Variants in OMD observed in about 807,000 individuals in gnomAD.
OMD encodes KSPG osteomodulin.
Under a neutral mutation model 31.2 loss-of-function variants are expected in OMD, and 19 were observed. The ratio of observed to expected loss-of-function variants is 0.61; its 90% CI spans 0.42 to 0.89. The LOEUF (loss-of-function observed/expected upper bound fraction) is 0.89. OMD is among the 40% of genes least tolerant of loss of function. OMD has a pLI of 0.00. For synonymous variants in OMD, 155 were observed against 166.4 expected, an observed-to-expected ratio of 0.93 and a Z score of 0.53; for missense variants, 448 against 490.8, an observed-to-expected ratio of 0.91 and a Z score of 0.82.
Position 92,415,409 on chromosome 9 carries a change from C to T in OMD, c.1009G>A (p.Val337Met). 1 of 1,613,556 alleles carries T rather than the reference C, an allele frequency of 6.2e-7. No individual in the cohort carries two copies. Residue 337 changes from valine (V) to methionine (M), a missense_variant, in exon 3 of 3, where the codon GTG becomes ATG. Transcript: ENST00000375550. ...GGTTCTTTTAGTTTATTTTGGTCCACACGAATGTATGTTAAATGGTGGTAA... is the reference window on the plus strand; with the variant it reads ...GGTTCTTTTAGTTTATTTTGGTCCATACGAATGTATGTTAAATGGTGGTAA... ...LHYHHLTYIR[V>M]DQNKLKEPIS...
intron 1 of OMD, among the ~76,000 whole-genome samples, chr9:92,421,402 A>G (rs1257234794): frequency 6.6e-6 from 1 of 152,206 alleles, no homozygotes. Context: ...TAATTTAATG[A>G]ATTAACATAT....
intron 1 of OMD, among the ~76,000 whole-genome samples, chr9:92,418,390 ATT>A (rs959049639): frequency 1.4e-5 from 2 of 145,736 alleles, no homozygotes; most frequent in Non-Finnish European, 3.0e-5. Flanking sequence ...CCTGGCCGAG[ATT>A]TTTTTTTTTT....
In OMD at chr9:92,412,721, T is replaced by C. The variant is rs1230259445; in HGVS notation, c.*2431A>G. On this transcript the variant is annotated 3_prime_UTR_variant, in exon 3 of 3. Transcript: ENST00000375550. ...TTTTTATTGCTGAATAATATTCCACTGTATGGATATATCACATTTTGTGTA... is the reference window on the plus strand; with the variant it reads ...TTTTTATTGCTGAATAATATTCCACCGTATGGATATATCACATTTTGTGTA... 6.6e-6 allele frequency among the ~76,000 whole-genome samples: 1 copy of C among 152,214 alleles called. No homozygotes were observed. The highest frequency in any genetic ancestry group is 1.5e-5 in the Non-Finnish European group (1 of 68,042).
At chr9:92,422,777 C>T (rs72752471) in intron 1 of OMD, among the ~76,000 whole-genome samples, 4,708 of 152,216 alleles carry the variant, frequency 0.031, 113 homozygotes, top group South Asian at 0.084. Context: ...GGATAATTTC[C>T]CCTGTTACAA....
chr9:92,418,390 ATTT>A (rs959049639), intron 1 of OMD, among the ~76,000 whole-genome samples: 1 of 145,746 alleles, frequency 6.9e-6, no homozygotes, highest in African/African-American at 2.5e-5. Context: ...CCTGGCCGAG[ATTT>A]TTTTTTTTTT....
At chr9:92,418,545 G>A (rs933335644) in intron 1 of OMD, among the ~76,000 whole-genome samples, 8 of 152,072 alleles carry the variant, frequency 5.3e-5, no homozygotes, top group African/African-American at 1.9e-4. Flanking sequence ...GTCAACTACA[G>A]TCTGATCCCT....
chr9:92,420,966 T>A (rs1056540117), intron 1 of OMD, among the ~76,000 whole-genome samples: 1 of 152,064 alleles, frequency 6.6e-6, no homozygotes, highest in Admixed American at 6.5e-5. Flanking sequence ...AAGCAACAGA[T>A]GGTGATGTGT....
rs1363773773 is a variant in OMD at position 92,413,562 on chromosome 9, C to T, written c.*1590G>A. ...ACCTATAGTATTTTCCACGTATTAA[C>T]TCTTAATGTTTGAATTTATATCCTG... On this transcript the variant is annotated 3_prime_UTR_variant, in exon 3 of 3. Coordinates refer to ENST00000375550, the MANE Select transcript of OMD (RefSeq NM_005014.3). Among the ~76,000 whole-genome samples, 1 of 152,084 alleles carries T rather than the reference C, an allele frequency of 6.6e-6. No individual in the cohort carries two copies. The highest frequency in any genetic ancestry group is 1.5e-5 in the Non-Finnish European group (1 of 68,028).
chr9:92,423,832 G>C (rs1267150946), intron 1 of OMD, among the ~76,000 whole-genome samples: 1 of 152,124 alleles, frequency 6.6e-6, no homozygotes, highest in African/African-American at 2.4e-5. Flanking sequence ...TTGCTCAGCT[G>C]TATGCCTCAA....
At chr9:92,416,035 A>G (rs1344426514) in intron 2 of OMD, among the ~76,000 whole-genome samples, 1 of 127,960 alleles carries the variant, frequency 7.8e-6, no homozygotes, top group African/African-American at 2.7e-5. Context: ...TTTTATATAT[A>G]AATAAATATA....
In OMD at chr9:92,416,674, T is replaced by G; in HGVS notation, c.885A>C (p.Ala295=). 1 of 1,609,740 alleles carries G rather than the reference T, an allele frequency of 6.2e-7. No individual in the cohort carries two copies. The change falls in exon 2 of 3, where the codon GCA becomes GCC. Residue 295 remains alanine, a synonymous_variant. Transcript: ENST00000375550. The part of the protein sequence containing the change: ...LSVGHNKLKQ[A]FYIPRNLEHL... ...GTTCCAAATTTCTTGGAATATAGAATGCTTGCTTCAATTTGTTGTGTCCAA... is the reference window on the plus strand; with the variant it reads ...GTTCCAAATTTCTTGGAATATAGAAGGCTTGCTTCAATTTGTTGTGTCCAA...
At chr9:92,422,324 G>A (rs1333182018) in intron 1 of OMD, among the ~76,000 whole-genome samples, 5 of 152,200 alleles carry the variant, frequency 3.3e-5, no homozygotes, top group South Asian at 2.1e-4. Context: ...AAAGTGCTGA[G>A]ATTACAGGTG....
intron 1 of OMD, among the ~76,000 whole-genome samples, chr9:92,419,299 C>CT (rs34582930): frequency 0.067 from 7,800 of 117,090 alleles, 388 homozygotes; most frequent in Non-Finnish European, 0.078. Context: ...TGCCTTGTGT[C>CT]TTTTTTTTTT....
At position 92,415,298 on chromosome 9, in the gene OMD, G is replaced by C; in HGVS notation, c.1120C>G (p.Gln374Glu). The C allele has an allele frequency of 6.2e-7, 1 of 1,613,646 alleles. No homozygotes were observed. Among genetic ancestry groups the C allele is most frequent in the Non-Finnish European group, 8.5e-7 (1 of 1,179,788 alleles). The change falls in exon 3 of 3, where the codon CAA becomes GAA. Residue 374 changes from glutamine (Q) to glutamate (E), a missense_variant. Physicochemically the swap from Gln to Glu is conservative, Grantham distance 29. Transcript: ENST00000375550. ...CTCCTGAAAACTTGTGTCTTTAGTT[G>C]TATTGTTTGACCATTAGTGCTTCGT... ...EQRSTNGQTIQLKTQVFRRFP... is the reference protein window; with the variant it reads ...EQRSTNGQTIELKTQVFRRFP...
intron 1 of OMD, among the ~76,000 whole-genome samples, chr9:92,421,604 A>G (rs1457850315): frequency 1.3e-5 from 2 of 152,226 alleles, no homozygotes; most frequent in Non-Finnish European, 2.9e-5. Context: ...CTACTACTTT[A>G]CTGTATGTAA....
At chr9:92,416,001 T>C (rs901284079) in intron 2 of OMD, among the ~76,000 whole-genome samples, 13 of 145,760 alleles carry the variant, frequency 8.9e-5, no homozygotes, top group African/African-American at 3.2e-4. Context: ...TTATCAGTTA[T>C]ATATATAAAA....
chr9:92,421,808 A>T (rs1010504514), intron 1 of OMD, among the ~76,000 whole-genome samples: 15 of 152,296 alleles, frequency 9.8e-5, no homozygotes, highest in Middle Eastern at 3.4e-3. Context: ...GAGATACAAC[A>T]AAGTGAACCC....
chr9:92,417,115 T>C lies in OMD; in HGVS notation c.444A>G (p.Leu148=). 6.2e-7 allele frequency: 1 copy of C among 1,613,770 alleles called. No homozygotes were observed. Among genetic ancestry groups the C allele is most frequent in the South Asian group, 1.1e-5 (1 of 91,074 alleles). ...AKLPNLLQLH[L]EHNNLEEFPF... ...GAAATTCTTCTAAATTATTATGCTC[T>C]AGATGAAGTTGTAGTAGATTTGGAA... Residue 148 remains leucine, a synonymous_variant, in exon 2 of 3, where the codon CTA becomes CTG. Coordinates refer to ENST00000375550, the MANE Select transcript of OMD (RefSeq NM_005014.3).
chr9:92,416,606 A>G lies in OMD; in HGVS notation c.940+13T>C, dbSNP rs775806220. 3.5e-6 allele frequency: 5 copies of G among 1,431,226 alleles called. No homozygotes were observed. The highest frequency in any genetic ancestry group is 2.2e-5 in the Admixed American group (1 of 45,524). The allele number at this position is 1,431,226 out of a possible 1,614,324, so 88.7% of individuals were successfully genotyped here. On this transcript the variant is annotated intron_variant, in intron 2 of 2. Transcript: ENST00000375550. ...TTCTTTCTCTCTTCAAAACACAATAAAAGTCTACATACTTTCTATTTCATT... is the reference window on the plus strand; with the variant it reads ...TTCTTTCTCTCTTCAAAACACAATAGAAGTCTACATACTTTCTATTTCATT...
Sources: gnomAD v4.1 joint callset for allele counts (sites outside exome capture counted in the v4.1 genomes callset) on GRCh38, gnomAD v4.1.1 for gene constraint, MANE v1.5 for transcripts, NCBI Gene and HGNC (gene_info 2026-07-23, HGNC 2026-07-21) for gene names.